The following LYRM4 variants were observed in gnomAD, a reference collection of about 807,000 sequenced individuals.
LYRM4 encodes the protein LYR motif containing 4.
In LYRM4, 9 loss-of-function variants were observed where a neutral mutation model predicts 11.7. The observed-to-expected ratio is 0.77, with a 90% CI of 0.46 to 1.34. The LOEUF is 1.34. Among genes scored for constraint, LYRM4 ranks in the 40% most tolerant of loss-of-function variants. The pLI, the probability that LYRM4 is intolerant of heterozygous loss-of-function variation, is 0.00. For missense variants in LYRM4, 133 were observed against 112.5 expected (o/e 1.18, Z -0.82); for synonymous variants, 42 against 40.4 (o/e 1.04, Z -0.15).
At chr6:5,045,662 C>T in the LYRM4 span, among the ~76,000 whole-genome samples, 7 of 151,860 alleles carry the variant, frequency 4.6e-5, no homozygotes, top group South Asian at 1.2e-3. Flanking sequence ...GTTAAGAAGA[C>T]GGCAGATTCC....
chr6:5,143,249 T>C lies in LYRM4; in HGVS notation c.208-33758A>G, dbSNP rs1012661238. ...CACACCACTGTCATTCAGGGTACGG[T>C]GGCCAATCTTACACAGGGGATCAAA... On this transcript the variant is annotated intron_variant, in intron 2 of 2. Coordinates refer to ENST00000330636, the MANE Select transcript of LYRM4 (RefSeq NM_020408.6). Among the ~76,000 whole-genome samples the C allele has an allele frequency of 2.0e-5, 3 of 152,196 alleles. No homozygotes were observed. In the East Asian group the frequency reaches 5.8e-4, roughly 29 times the overall value.
intron 1 of LYRM4, 141 bp from the exon 2 acceptor site, chr6:5,216,879 C>A: frequency 9.8e-7 from 1 of 1,016,502 alleles, no homozygotes; most frequent in South Asian, 1.7e-5. Context: ...TTGCTCGTGG[C>A]GCAGGCTGAT....
chr6:5,118,135 G>A (rs1358569894), intron 2 of LYRM4, among the ~76,000 whole-genome samples: 2 of 115,156 alleles, frequency 1.7e-5, no homozygotes, highest in Non-Finnish European at 3.7e-5. Context: ...TTGAGACAGA[G>A]TCTCACTCTG....
downstream of LYRM4, chr6:5,104,937 G>GT (rs1762616464): frequency 6.6e-6 from 1 of 152,166 alleles, no homozygotes; most frequent in Non-Finnish European, 1.5e-5. Context: ...TGTTTCGACT[G>GT]TTTCTCCAGG....
chr6:5,071,542 ATG>A, the LYRM4 span, among the ~76,000 whole-genome samples: 10 of 150,256 alleles, frequency 6.7e-5, no homozygotes, highest in South Asian at 4.2e-4. Flanking sequence ...TTATATATAT[ATG>A]TGTGTGTGTG....
chr6:5,088,562 A>C, the LYRM4 span: 1 of 152,246 alleles, frequency 6.6e-6, no homozygotes, highest in African/African-American at 2.4e-5. Flanking sequence ...ACCGCAGCAG[A>C]GTGGAGTAGA....
chr6:5,197,458 G>A (rs1179501534), intron 2 of LYRM4, among the ~76,000 whole-genome samples: 2 of 152,106 alleles, frequency 1.3e-5, no homozygotes, highest in Non-Finnish European at 2.9e-5. Context: ...TGGATCACGA[G>A]GTCAGGAGTT....
chr6:5,048,290 GGTGTGTGTGT>G, the LYRM4 span, among the ~76,000 whole-genome samples: 3,135 of 140,036 alleles, frequency 0.022, 116 homozygotes, highest in African/African-American at 0.077. Context: ...GACACTTTGT[GGTGTGTGTGT>G]GTGTGTGTGT....
At chr6:5,099,615 T>G (rs556993626), downstream of LYRM4, among the ~76,000 whole-genome samples, 1 of 152,290 alleles carries the variant, frequency 6.6e-6, no homozygotes, top group East Asian at 1.9e-4. The surrounding 1 kb of genome is among the most constrained non-coding windows in gnomAD (Gnocchi z 4.3). Context: ...TATTTTTTAT[T>G]TCTTTTGTTT....
chr6:5,247,284 G>T (rs1228460977), intron 1 of LYRM4, among the ~76,000 whole-genome samples: 1 of 152,188 alleles, frequency 6.6e-6, no homozygotes, highest in Non-Finnish European at 1.5e-5. Context: ...GTCTGAGGAG[G>T]AGAGAAACAG....
chr6:5,149,143 A>G lies in LYRM4; in HGVS notation c.208-39652T>C, dbSNP rs370879955. ...AGTTCTGAGTGTTCATTAATATTCA[A>G]TGAAATTTCCATCAGTATGTATGAT... On this transcript the variant is annotated intron_variant, in intron 2 of 2. Coordinates refer to ENST00000330636, the MANE Select transcript of LYRM4 (RefSeq NM_020408.6). 1.9e-4 allele frequency among the ~76,000 whole-genome samples: 29 copies of G among 152,366 alleles called. 1 individual carries two copies. In the East Asian group the frequency reaches 4.8e-3, roughly 25 times the overall value.
chr6:5,219,950 C>T (rs1251627747), intron 1 of LYRM4, among the ~76,000 whole-genome samples: 1 of 152,176 alleles, frequency 6.6e-6, no homozygotes, highest in Non-Finnish European at 1.5e-5. Context: ...AGCAGCCCCA[C>T]AGCCACAGAA....
intron 2 of LYRM4, among the ~76,000 whole-genome samples, chr6:5,160,371 G>C (rs536825744): frequency 2.8e-4 from 43 of 152,232 alleles, no homozygotes; most frequent in African/African-American, 8.9e-4. Context: ...TGGTTTGGCT[G>C]TTTCCCCACC....
chr6:5,075,309 G>A, the LYRM4 span, among the ~76,000 whole-genome samples: 1 of 152,312 alleles, frequency 6.6e-6, no homozygotes, highest in East Asian at 1.9e-4. Flanking sequence ...GTAGAAGTAT[G>A]ACTTCTCAGC....
the LYRM4 span, among the ~76,000 whole-genome samples, chr6:5,082,488 G>T: frequency 6.6e-6 from 1 of 151,868 alleles, no homozygotes; most frequent in African/African-American, 2.4e-5. Flanking sequence ...CCCTCCCCCT[G>T]CCTCCCTGCA....
At chr6:5,134,632 C>T (rs1764103793) in intron 2 of LYRM4, among the ~76,000 whole-genome samples, 1 of 152,134 alleles carries the variant, frequency 6.6e-6, no homozygotes, top group South Asian at 2.1e-4. Context: ...TACGGGAGAG[C>T]ATGGGTAGGC....
At chr6:5,064,883 G>A in the LYRM4 span, among the ~76,000 whole-genome samples, 253 of 151,750 alleles carry the variant, frequency 1.7e-3, no homozygotes, top group Middle Eastern at 6.8e-3. Context: ...AGCTGGATAC[G>A]TTATTTTAAA....
chr6:5,220,369 A>G (rs1762515201), intron 1 of LYRM4, among the ~76,000 whole-genome samples: 1 of 152,160 alleles, frequency 6.6e-6, no homozygotes, highest in Admixed American at 6.5e-5. Context: ...CATTTCTGTC[A>G]TCTTCATCAG....
At chr6:5,201,309 G>A (rs758680149) in intron 2 of LYRM4, among the ~76,000 whole-genome samples, 1 of 152,136 alleles carries the variant, frequency 6.6e-6, no homozygotes, top group Non-Finnish European at 1.5e-5. Flanking sequence ...AGTCCTGGCA[G>A]TGCAAGTGCA....
Sources: allele counts gnomAD v4.1 joint callset (sites outside exome capture counted in the v4.1 genomes callset), GRCh38; gene constraint gnomAD v4.1.1; non-coding constraint Gnocchi (gnomAD v3.1); transcripts MANE v1.5; gene names NCBI Gene and HGNC (gene_info 2026-07-23, HGNC 2026-07-21).